CDKL1: variants seen among roughly 807,000 people sequenced by gnomAD.
The protein encoded by CDKL1 is cyclin-dependent kinase-like 1.
A neutral mutation model predicts 42.0 loss-of-function variants in CDKL1; 41 were observed. That is an observed-to-expected ratio of 0.98 (90% CI 0.76 to 1.27). The LOEUF (loss-of-function observed/expected upper bound fraction) is 1.27, where lower values mean the gene tolerates loss of function less well. Ranked by LOEUF, CDKL1 falls within the 50% of genes most tolerant of loss-of-function variation. CDKL1 has a pLI of 0.00. For missense variants in CDKL1, 394 were observed against 428.4 expected (o/e 0.92, Z 0.71); for synonymous variants, 153 against 158.6 (o/e 0.96, Z 0.26).
In CDKL1 at chr14:50,358,124, C is replaced by T. The variant is rs778007716; in HGVS notation, c.290+904G>A. ...GTGCTCACCAAGTCTTCTTCCAGTG[C>T]ACACAAAGATGTTGCATATGCTAGA... On this transcript the variant is annotated intron_variant, in intron 3 of 9. Coordinates refer to ENST00000395834, the MANE Select transcript of CDKL1 (RefSeq NM_004196.7). 5.2e-6 allele frequency: 7 copies of T among 1,352,078 alleles called. No individual in the cohort carries two copies. The African/African-American group carries it at 7.4e-5, about 14-fold the overall frequency. The allele number at this position is 1,352,078 out of a possible 1,614,324, so 83.8% of individuals were successfully genotyped here.
chr14:50,386,765 G>C (rs747984916), intron 2 of CDKL1, among the ~76,000 whole-genome samples: 3 of 151,726 alleles, frequency 2.0e-5, no homozygotes, highest in Non-Finnish European at 4.4e-5. Flanking sequence ...TCTCTACAAA[G>C]AATACAAAGA....
intron 3 of CDKL1, among the ~76,000 whole-genome samples, chr14:50,348,845 C>CCATT (rs2033811961): frequency 6.6e-6 from 1 of 151,958 alleles, no homozygotes; most frequent in African/African-American, 2.4e-5. Flanking sequence ...TTTTTAAATA[C>CCATT]CATTAATATC....
chr14:50,339,502 AAGGAAGAGAGGGAGGG>A (rs1227781989), intron 6 of CDKL1, among the ~76,000 whole-genome samples: 9 of 137,386 alleles, frequency 6.6e-5, no homozygotes, highest in African/African-American at 2.1e-4. Context: ...ATATTTGAAG[AAGGAAGAGAGGGAGGG>A]AGGAAGAGAG....
At chr14:50,332,489 A>G (rs2033012148) in intron 8 of CDKL1, 57 bp from the exon 9 acceptor site, 16 of 1,548,268 alleles carry the variant, frequency 1.0e-5, no homozygotes, top group Non-Finnish European at 1.3e-5. Flanking sequence ...TAACTTATTA[A>G]TGTCATTTTT....
intron 2 of CDKL1, among the ~76,000 whole-genome samples, chr14:50,361,730 G>A (rs966056468): frequency 3.9e-5 from 6 of 152,224 alleles, no homozygotes; most frequent in Admixed American, 2.0e-4. Context: ...TTTGGAGGAC[G>A]CACCACCATC....
chr14:50,359,797 TAA>T (rs10672836), intron 2 of CDKL1, among the ~76,000 whole-genome samples: 22 of 120,858 alleles, frequency 1.8e-4, no homozygotes, highest in Admixed American at 2.6e-4. Flanking sequence ...GTGTCTAGAT[TAA>T]AAAAAAAAAA....
chr14:50,355,720 T>C (rs2034035244), intron 3 of CDKL1, among the ~76,000 whole-genome samples: 1 of 152,154 alleles, frequency 6.6e-6, no homozygotes, highest in Non-Finnish European at 1.5e-5. Context: ...CAGAAGATGT[T>C]ATAGAGGCCA....
At chr14:50,362,944 C>T in intron 2 of CDKL1, 2 of 463,744 alleles carry the variant, frequency 4.3e-6, no homozygotes, top group South Asian at 1.6e-5. Context: ...TGCAATAAAT[C>T]TTGCTGCTGC....
At position 50,355,059 on chromosome 14, in the gene CDKL1, A is replaced by AT. The variant is rs567101006; in HGVS notation, c.290+3968dup. ...TAATATGTATTTTTATTATAGTATA[A>AT]TTTTTTTTCATTTGACAACTATTCA... On this transcript the variant is annotated intron_variant, in intron 3 of 9. Transcript: ENST00000395834. Among the ~76,000 whole-genome samples, 38 of 151,844 alleles carry AT rather than the reference A, an allele frequency of 2.5e-4. No individual in the cohort carries two copies. The East Asian group carries it at 7.2e-3, about 29-fold the overall frequency.
At chr14:50,397,064 C>T (rs1308536029), upstream of CDKL1, 1 of 1,330,428 alleles carries the variant, frequency 7.5e-7, no homozygotes. Flanking sequence ...TGACCGCGGG[C>T]CGAGTCCTGC....
intron 7 of CDKL1, among the ~76,000 whole-genome samples, chr14:50,337,546 T>C (rs1456688431): frequency 2.0e-5 from 3 of 151,998 alleles, no homozygotes; most frequent in African/African-American, 7.2e-5. Flanking sequence ...AGAGACAGGG[T>C]CTTGCTATGT....
intron 2 of CDKL1, among the ~76,000 whole-genome samples, chr14:50,362,602 GT>G (rs888179388): frequency 3.9e-5 from 6 of 152,092 alleles, no homozygotes; most frequent in Admixed American, 2.0e-4. Context: ...CTAGCTCAGG[GT>G]TTGTGAATGC....
At position 50,334,672 on chromosome 14, in the gene CDKL1, G is replaced by C. The variant is rs537253695; in HGVS notation, c.739-51C>G. 4 of 1,095,754 alleles carry C rather than the reference G, an allele frequency of 3.7e-6. No individual in the cohort carries two copies. In the East Asian group the frequency reaches 9.4e-5, roughly 26 times the overall value. 67.9% of individuals were successfully genotyped at this position (1,095,754 alleles called of 1,614,324 possible). A position where few individuals can be genotyped will look rare whatever the true frequency, so the allele number is the denominator to read the frequency against. ...ATTTACAGCATGTATTCAAATTAAG[G>C]TTACCTCAAATTAAATCTTTTGATA... On this transcript the variant is annotated intron_variant, in intron 7 of 9. Coordinates refer to ENST00000395834, the MANE Select transcript of CDKL1 (RefSeq NM_004196.7).
rs951323555 is a variant in CDKL1, at chr14:50,372,431, T to G, written c.169-13282A>C. 4.6e-5 allele frequency among the ~76,000 whole-genome samples: 7 copies of G among 152,240 alleles called. No homozygotes were observed. In the South Asian group the frequency reaches 1.4e-3, roughly 31 times the overall value. ...CCACACCCGGCCCGAGTTCATTATA[T>G]ATTTTGGATACATATAACCCCTTAT... On this transcript the variant is annotated intron_variant, in intron 2 of 9. Transcript: ENST00000395834.
chr14:50,336,011 A>ATAT, intron 7 of CDKL1: 1 of 1,366,538 alleles, frequency 7.3e-7, no homozygotes, highest in South Asian at 1.1e-5. Flanking sequence ...CATAGCTTAA[A>ATAT]TATTTCTCTT....
intron 2 of CDKL1, among the ~76,000 whole-genome samples, chr14:50,390,833 T>G (rs1486243870): frequency 6.6e-6 from 1 of 152,172 alleles, no homozygotes; most frequent in Non-Finnish European, 1.5e-5. Context: ...GCCTGACTTC[T>G]TGATTTTTCT....
intron 4 of CDKL1, chr14:50,343,147 AAG>A: frequency 1.7e-6 from 1 of 577,824 alleles, no homozygotes; most frequent in South Asian, 2.0e-5. Context: ...CAACCTAATT[AAG>A]AGTTACTTTT....
chr14:50,334,917 GCA>G (rs1339308045), intron 7 of CDKL1: 1 of 174,858 alleles, frequency 5.7e-6, no homozygotes, highest in African/African-American at 4.3e-5. Context: ...ACTTTTCTGA[GCA>G]GTTTTTTTTT....
chr14:50,358,177 C>A lies in CDKL1; in HGVS notation c.290+851G>T, dbSNP rs530681013. ...GAGCTGTGTGGTAAGATCAGCGGAG[C>A]CCCCGGAGTCACTCCCACCCTTCTC... On this transcript the variant is annotated intron_variant, in intron 3 of 9. Transcript: ENST00000395834. 7 of 1,287,398 alleles carry A rather than the reference C, an allele frequency of 5.4e-6. No homozygotes were observed. In the East Asian group the frequency reaches 2.9e-4, roughly 53 times the overall value. The allele number at this position is 1,287,398 out of a possible 1,614,324, so 79.7% of individuals were successfully genotyped here. A position where few individuals can be genotyped will look rare whatever the true frequency, so the allele number is the denominator to read the frequency against.
Sources: allele counts gnomAD v4.1 joint callset (sites outside exome capture counted in the v4.1 genomes callset), GRCh38; gene constraint gnomAD v4.1.1; transcripts MANE v1.5; gene names NCBI Gene and HGNC (gene_info 2026-07-23, HGNC 2026-07-21).